Variants in ITGA4 observed in about 807,000 individuals in gnomAD.
ITGA4 encodes integrin alpha-4.
Under a neutral mutation model 133.6 loss-of-function variants are expected in ITGA4, and 63 were observed. That is an observed-to-expected ratio of 0.47 (90% confidence interval 0.38 to 0.58). The LOEUF is 0.58. Among genes scored for constraint, ITGA4 ranks in the 20% least tolerant of loss-of-function variants. The pLI is 0.00. For synonymous variants in ITGA4, 483 were observed against 438.0 expected (o/e 1.10, Z -1.28); for missense variants, 1,076 against 1,252.7 (o/e 0.86, Z 2.13).
At chr2:181,494,070 T>C (rs1686111207) in intron 11 of ITGA4, among the ~76,000 whole-genome samples, 1 of 152,192 alleles carries the variant, frequency 6.6e-6, no homozygotes, top group Non-Finnish European at 1.5e-5. Context: ...AATGTATTTG[T>C]CTAGTAAAAA....
chr2:181,512,463 G>A (rs921301221), intron 17 of ITGA4, among the ~76,000 whole-genome samples: 2 of 151,998 alleles, frequency 1.3e-5, no homozygotes, highest in African/African-American at 4.8e-5. Flanking sequence ...TTGTGAGATG[G>A]CCCAAGGGAT....
chr2:181,514,655 C>T (rs1686571991), intron 17 of ITGA4, among the ~76,000 whole-genome samples: 1 of 151,978 alleles, frequency 6.6e-6, no homozygotes, highest in Admixed American at 6.6e-5. Flanking sequence ...AGAAGACGAG[C>T]TGTGTGGGGG....
At chr2:181,482,488 A>G in intron 8 of ITGA4, 26 bp from the exon 9 acceptor site, 1 of 1,613,472 alleles carries the variant, frequency 6.2e-7, no homozygotes, top group South Asian at 1.1e-5. Context: ...TTTCTCAATG[A>G]GTGGATCTGG....
chr2:181,508,818 C>T (rs1349845626), intron 15 of ITGA4, among the ~76,000 whole-genome samples: 3 of 151,762 alleles, frequency 2.0e-5, no homozygotes, highest in Non-Finnish European at 4.4e-5. Context: ...CATTCAGTAT[C>T]TGTTAGAAAA....
intron 7 of ITGA4, among the ~76,000 whole-genome samples, chr2:181,481,966 C>T (rs757727556): frequency 6.6e-6 from 1 of 152,102 alleles, no homozygotes; most frequent in Non-Finnish European, 1.5e-5. Flanking sequence ...AACAGTTTCA[C>T]AGCTGAAAAG....
intron 9 of ITGA4, among the ~76,000 whole-genome samples, chr2:181,485,282 G>C (rs1031246149): frequency 6.6e-6 from 1 of 152,114 alleles, no homozygotes; most frequent in Non-Finnish European, 1.5e-5. Context: ...CCATTCATTA[G>C]AGCCAAATTC....
rs546199729 is a variant in ITGA4, at chr2:181,471,153, T to A, written c.320-3807T>A. 1.4e-3 allele frequency among the ~76,000 whole-genome samples: 219 copies of A among 152,354 alleles called. 1 individual carries two copies. Among genetic ancestry groups the A allele is most frequent in the African/African-American group, 5.0e-3 (207 of 41,588 alleles). On this transcript the variant is annotated intron_variant, in intron 2 of 27. Coordinates refer to ENST00000397033, the MANE Select transcript of ITGA4 (RefSeq NM_000885.6). ...GTTTCATGACTATTTCCATGAACTTTCTTTCTGGCTATGCATTCATTCTTT... is the reference window on the plus strand; with the variant it reads ...GTTTCATGACTATTTCCATGAACTTACTTTCTGGCTATGCATTCATTCTTT...
chr2:181,493,233 T>C (rs1686091358), intron 10 of ITGA4, 92 bp from the exon 11 acceptor site: 1 of 727,694 alleles, frequency 1.4e-6, no homozygotes, highest in East Asian at 2.6e-5. Flanking sequence ...AGTTTTCTTA[T>C]GTGATATGAA....
chr2:181,537,739 T>TA lies in ITGA4; in HGVS notation c.*2220dup, dbSNP rs748981170. 39 of 440,826 alleles carry TA rather than the reference T, an allele frequency of 8.8e-5. 1 individual carries two copies. Among genetic ancestry groups the TA allele is most frequent in the South Asian group, 3.2e-4 (20 of 61,892 alleles). 27.3% of individuals were successfully genotyped at this position (440,826 alleles called of 1,614,324 possible). ...TTTTGTGTGTCCAATAAACACATTG[T>TA]AAAAAAAAGAATTTGAATTGATATC... is the stretch of plus-strand genomic sequence containing the variant. On this transcript the variant is annotated 3_prime_UTR_variant, in exon 28 of 28. Transcript: ENST00000397033.
intron 10 of ITGA4, among the ~76,000 whole-genome samples, chr2:181,488,735 T>C (rs1685977834): frequency 6.6e-6 from 1 of 151,940 alleles, no homozygotes; most frequent in Admixed American, 6.6e-5. Context: ...TTTTTTTGTG[T>C]TTTTAGTAGA....
Position 181,529,561 on chromosome 2 carries a change from T to C in ITGA4, c.2451T>C (p.Ser817=), listed in dbSNP as rs1014450845. 6.9e-6 allele frequency: 11 copies of C among 1,603,328 alleles called. No individual in the cohort carries two copies. Among genetic ancestry groups the C allele is most frequent in the Non-Finnish European group, 8.5e-6 (10 of 1,170,652 alleles). ...LTFHVINTGN[S]MAPNVSVEIM... is the part of the protein sequence containing the mutation. Reference sequence around the variant, plus strand: ...ATCAGGTTATCAACACTGGCAATAGTATGGCTCCCAATGTTAGTGTGGAAA... The same window carrying C: ...ATCAGGTTATCAACACTGGCAATAGCATGGCTCCCAATGTTAGTGTGGAAA... The change falls in exon 23 of 28, where the codon AGT becomes AGC. Residue 817 remains serine (S), a synonymous_variant. Coordinates refer to ENST00000397033, the MANE Select transcript of ITGA4 (RefSeq NM_000885.6).
rs1160038032 is a variant in ITGA4 at position 181,538,444 on chromosome 2, ACTTC to A, written c.*2921_*2924del. Among the ~76,000 whole-genome samples the A allele has an allele frequency of 3.3e-5, 5 of 152,042 alleles. No homozygotes were observed. Among genetic ancestry groups the A allele is most frequent in the African/African-American group, 1.2e-4 (5 of 41,416 alleles). On this transcript the variant is annotated 3_prime_UTR_variant, in exon 28 of 28. Coordinates refer to ENST00000397033, the MANE Select transcript of ITGA4 (RefSeq NM_000885.6). ...AATTGCTCTAAAACCTCCTTAACTG[ACTTC>A]CTTGATTGTCCAATGCTCTCCATTA...
chr2:181,535,093 T>G (rs1687032163), intron 27 of ITGA4, among the ~76,000 whole-genome samples, 158 bp downstream of exon 27: 1 of 147,690 alleles, frequency 6.8e-6, no homozygotes. Context: ...AACACCAAAG[T>G]CTTTCTAGAA....
rs886721573 is a variant in ITGA4 at position 181,523,811 on chromosome 2, A to G, written c.2169+279A>G. On this transcript the variant is annotated intron_variant, in intron 19 of 27. Coordinates refer to ENST00000397033, the MANE Select transcript of ITGA4 (RefSeq NM_000885.6). The surrounding 1 kb of genome is among the most constrained non-coding windows in gnomAD (Gnocchi z 4.2). ...CTACACACCCTTCCCGAAAACCCCC[A>G]CCCCCACCGCAGGTGGTCCTGTCTG... Among the ~76,000 whole-genome samples the G allele has an allele frequency of 8.6e-5, 13 of 151,894 alleles. No homozygotes were observed. The highest frequency in any genetic ancestry group is 1.9e-4 in the East Asian group (1 of 5,178).
In ITGA4 at chr2:181,538,530, G is replaced by C. The variant is rs758665315; in HGVS notation, c.*3003G>C. Among the ~76,000 whole-genome samples the C allele has an allele frequency of 1.3e-5, 2 of 152,184 alleles. 1 individual carries two copies. The highest frequency in any genetic ancestry group is 4.2e-4 in the South Asian group (2 of 4,812). On this transcript the variant is annotated 3_prime_UTR_variant, in exon 28 of 28. Transcript: ENST00000397033. ...ACACCCATGTCTAGTGGGCACCCCTGCATGCTTCTTCTAACCACTGAGTGT... is the reference window on the plus strand; with the variant it reads ...ACACCCATGTCTAGTGGGCACCCCTCCATGCTTCTTCTAACCACTGAGTGT...
intron 17 of ITGA4, among the ~76,000 whole-genome samples, chr2:181,512,560 T>A (rs1353571284): frequency 6.6e-6 from 1 of 151,504 alleles, no homozygotes; most frequent in African/African-American, 2.4e-5. Context: ...GAATGGGGAG[T>A]CCCTGTAGGA....
intron 2 of ITGA4, among the ~76,000 whole-genome samples, chr2:181,472,822 T>C (rs1237584080): frequency 1.3e-5 from 2 of 152,172 alleles, no homozygotes; most frequent in Non-Finnish European, 2.9e-5. Flanking sequence ...CCCCTTCTCT[T>C]TTCGTGTCAT....
intron 2 of ITGA4, among the ~76,000 whole-genome samples, chr2:181,467,841 A>C (rs1685457515): frequency 6.6e-6 from 1 of 152,114 alleles, no homozygotes; most frequent in African/African-American, 2.4e-5. Context: ...AAGTTATTTG[A>C]TTCCTTTAAG....
Position 181,458,327 on chromosome 2 carries a change from G to A in ITGA4, c.319+10G>A. 6.2e-7 allele frequency: 1 copy of A among 1,609,162 alleles called. No individual in the cohort carries two copies. The highest frequency in any genetic ancestry group is 8.5e-7 in the Non-Finnish European group (1 of 1,177,690). On this transcript the variant is annotated intron_variant, in intron 2 of 27. Transcript: ENST00000397033. ...GAACAGCTCCAGCTGGGTGAGTTGG[G>A]TATGGGACCAGGAGTTAGTGACCTC... is the stretch of plus-strand genomic sequence containing the variant.
Sources: gnomAD v4.1 joint callset for allele counts (sites outside exome capture counted in the v4.1 genomes callset) on GRCh38, gnomAD v4.1.1 for gene constraint, Gnocchi (gnomAD v3.1) non-coding constraint, MANE v1.5 for transcripts, NCBI Gene and HGNC (gene_info 2026-07-23, HGNC 2026-07-21) for gene names.